JMJD7: variants seen among roughly 807,000 people sequenced by gnomAD.
JMJD7 encodes the protein bifunctional peptidase and (3S)-lysyl hydroxylase JMJD7.
JMJD7 carries 41 observed loss-of-function variants against 41.1 expected under a neutral mutation model. The observed-to-expected ratio is 1.00, with a 90% CI of 0.78 to 1.30. The LOEUF is 1.30. JMJD7 is among the 50% of genes most tolerant of loss of function. The probability of loss-of-function intolerance (pLI) is 0.00; values close to 1 mark genes in which losing one functional copy is unlikely to be tolerated. For missense variants in JMJD7, 480 were observed against 420.7 expected (o/e 1.14, Z -1.23); for synonymous variants, 202 against 177.2 (o/e 1.14, Z -1.11).
chr15:41,833,132 C>T (rs2065253337), intron 1 of JMJD7, among the ~76,000 whole-genome samples: 1 of 152,066 alleles, frequency 6.6e-6, no homozygotes, highest in African/African-American at 2.4e-5. Context: ...CAGAAGATGA[C>T]TGGGGCTATG....
intron 1 of JMJD7, among the ~76,000 whole-genome samples, chr15:41,829,911 A>T (rs1210066921): frequency 6.6e-6 from 1 of 152,216 alleles, no homozygotes; most frequent in Admixed American, 6.5e-5. Flanking sequence ...GTGTGGTGGC[A>T]TGTGCCTGTA....
At position 41,834,822 on chromosome 15, in the gene JMJD7, C is replaced by G. The variant is rs780933103; in HGVS notation, c.147C>G (p.Asn49Lys). The change falls in exon 2 of 8, where the codon AAC (asparagine) becomes AAG (lysine). Residue 49 changes from asparagine (N) to lysine (K), a missense_variant. Transcript: ENST00000397299. ...LHFYRDWVCP[N>K]RPCIIRNALQ... is the part of the protein sequence containing the mutation. ...TCTACCGGGACTGGGTCTGCCCCAA[C>G]AGGCCGTGCATTATCCGCAACGCTC... 3.7e-6 allele frequency: 6 copies of G among 1,614,230 alleles called. No homozygotes were observed. In the African/African-American group the frequency reaches 5.3e-5, roughly 14 times the overall value.
Position 41,835,621 on chromosome 15 carries a change from G to C in JMJD7, c.506G>C (p.Gly169Ala), listed in dbSNP as rs2065300334. The change falls in exon 4 of 8, where the codon GGG becomes GCG. Residue 169 changes from glycine to alanine, a missense_variant. Coordinates refer to ENST00000397299, the MANE Select transcript of JMJD7 (RefSeq NM_001114632.2). ...KMPDAVNFWL[G>A]EAAAVTSLHK... ...CCCGATGCTGTGAACTTCTGGCTGG[G>C]GGAGGCGGCTGCAGTGACTTCTTGT... 1 of 1,613,806 alleles carries C rather than the reference G, an allele frequency of 6.2e-7. No individual in the cohort carries two copies. The highest frequency in any genetic ancestry group is 8.5e-7 in the Non-Finnish European group (1 of 1,179,894).
At chr15:41,829,994 G>A (rs1266474576) in intron 1 of JMJD7, among the ~76,000 whole-genome samples, 1 of 152,222 alleles carries the variant, frequency 6.6e-6, no homozygotes, top group Non-Finnish European at 1.5e-5. Flanking sequence ...GTTGGAAGCA[G>A]ATGCTGTCAT....
At position 41,828,381 on chromosome 15, in the gene JMJD7, C is replaced by G. The variant is rs2065172819; in HGVS notation, c.64+193C>G. 1.6e-5 allele frequency: 10 copies of G among 618,076 alleles called. No homozygotes were observed. In the South Asian group the frequency reaches 3.7e-4, roughly 23 times the overall value. The allele number at this position is 618,076 out of a possible 1,614,324, so 38.3% of individuals were successfully genotyped here. ...GCGGCTTCCTGGGTGATTCTGTTCA[C>G]GTTGTTCCCAAGGCCCGGTGCCGTC... On this transcript the variant is annotated intron_variant, in intron 1 of 7. Coordinates refer to ENST00000397299, the MANE Select transcript of JMJD7 (RefSeq NM_001114632.2).
chr15:41,831,527 A>G (rs970567117), intron 1 of JMJD7, among the ~76,000 whole-genome samples: 6 of 152,204 alleles, frequency 3.9e-5, no homozygotes, highest in Non-Finnish European at 8.8e-5. Context: ...CTCGACCTAG[A>G]GCATGAATGT....
rs112826704 is a variant in JMJD7 at position 41,836,958 on chromosome 15, C to T, written c.862+18C>T. ...CATCGCAGGTGAAGAGTTGCCCAGGCCGCCTGGGGAGAGGCCCTGTCAAGG... is the reference window on the plus strand; with the variant it reads ...CATCGCAGGTGAAGAGTTGCCCAGGTCGCCTGGGGAGAGGCCCTGTCAAGG... On this transcript the variant is annotated intron_variant, in intron 7 of 7. Transcript: ENST00000397299. 1.1e-4 allele frequency: 176 copies of T among 1,611,110 alleles called. No individual in the cohort carries two copies. The African/African-American group carries it at 1.9e-3, about 18-fold the overall frequency.
intron 1 of JMJD7, among the ~76,000 whole-genome samples, chr15:41,833,632 G>A (rs1191721598): frequency 6.6e-6 from 1 of 151,324 alleles, no homozygotes; most frequent in Non-Finnish European, 1.5e-5. Flanking sequence ...CGTTGCCAAG[G>A]CTGGTCTTGA....
At chr15:41,833,854 A>G (rs1284562223) in intron 1 of JMJD7, among the ~76,000 whole-genome samples, 1 of 152,190 alleles carries the variant, frequency 6.6e-6, no homozygotes, top group East Asian at 1.9e-4. Context: ...TATCAATGTG[A>G]TATTTGAGTG....
intron 6 of JMJD7, 105 bp downstream of exon 6, chr15:41,836,656 C>T (rs2065322418): frequency 2.7e-6 from 4 of 1,469,054 alleles, no homozygotes; most frequent in South Asian, 1.4e-5. Flanking sequence ...TCTGAAAAGT[C>T]TCTAAGTCTG....
intron 1 of JMJD7, chr15:41,832,362 A>G: frequency 5.4e-6 from 1 of 184,064 alleles, no homozygotes; most frequent in South Asian, 1.1e-4. Context: ...GTAAAGCAAC[A>G]CCCCAAAGAT....
intron 1 of JMJD7, among the ~76,000 whole-genome samples, chr15:41,834,343 C>T (rs117289278): frequency 0.014 from 2,093 of 152,304 alleles, 32 homozygotes; most frequent in Non-Finnish European, 0.02. Flanking sequence ...CAGAATAGCC[C>T]GTGGCCATGG....
Position 41,836,788 on chromosome 15 carries a change from G to A in JMJD7, c.710G>A (p.Trp237Ter), listed in dbSNP as rs199865973. The change falls in exon 7 of 8, where the codon TGG becomes TAG. Residue 237 changes from tryptophan (W) to a stop codon, truncating the protein, a stop_gained. Coordinates refer to ENST00000397299, the MANE Select transcript of JMJD7 (RefSeq NM_001114632.2). LOFTEE classifies it high-confidence loss of function. ...VDEEAMEKVP[W>*]IPLDPLAPDL... ...CATCTGATGTGTTCCCAGGTGCCCTGGATCCCACTGGACCCCTTGGCGCCA... is the reference window on the plus strand; with the variant it reads ...CATCTGATGTGTTCCCAGGTGCCCTAGATCCCACTGGACCCCTTGGCGCCA... The A allele has an allele frequency of 6.2e-7, 1 of 1,608,048 alleles. No individual in the cohort carries two copies. The highest frequency in any genetic ancestry group is 8.5e-7 in the Non-Finnish European group (1 of 1,177,614).
At position 41,833,483 on chromosome 15, in the gene JMJD7, C is replaced by T. The variant is rs193224489; in HGVS notation, c.65-1257C>T. On this transcript the variant is annotated intron_variant, in intron 1 of 7. Coordinates refer to ENST00000397299, the MANE Select transcript of JMJD7 (RefSeq NM_001114632.2). The stretch of plus-strand genomic sequence containing the variant: ...TCACCCAGGCTGGAGTGCAGTGGCA[C>T]GATGATAGCTCATTGCAGCCTCTAC... 4.3e-3 allele frequency among the ~76,000 whole-genome samples: 594 copies of T among 137,408 alleles called. 3 individuals carry two copies. The highest frequency in any genetic ancestry group is 0.016 in the African/African-American group (565 of 36,346). The allele number at this position is 137,408 out of a possible 152,430, so 90.1% of individuals were successfully genotyped here. A position where few individuals can be genotyped will look rare whatever the true frequency, so the allele number is the denominator to read the frequency against.
chr15:41,835,120 T>A lies in JMJD7; in HGVS notation c.369T>A (p.Pro123=), dbSNP rs746989390. ...LDVLEGRAQH[P]GVLYVQKQCS... ...TGCTGGAGGGCCGGGCCCAGCACCC[T>A]GGAGTCCTCTATGTGCAGAAGCAGT... The change falls in exon 3 of 8, where the codon CCT becomes CCA. Residue 123 remains proline (P), a synonymous_variant. Transcript: ENST00000397299. 1 of 1,611,522 alleles carries A rather than the reference T, an allele frequency of 6.2e-7. No homozygotes were observed. The highest frequency in any genetic ancestry group is 8.5e-7 in the Non-Finnish European group (1 of 1,180,014).
Position 41,834,807 on chromosome 15 carries a change from C to G in JMJD7, c.132C>G (p.Asp44Glu), listed in dbSNP as rs1452742333. ...CAACTCCGCTCCACTTCTACCGGGACTGGGTCTGCCCCAACAGGCCGTGCA... is the reference window on the plus strand; with the variant it reads ...CAACTCCGCTCCACTTCTACCGGGAGTGGGTCTGCCCCAACAGGCCGTGCA... Reference protein sequence around the residue: ...KPPTPLHFYRDWVCPNRPCII... With the variant: ...KPPTPLHFYREWVCPNRPCII... The change falls in exon 2 of 8, where the codon GAC (aspartate) becomes GAG (glutamate). Residue 44 changes from aspartate to glutamate, a missense_variant. Coordinates refer to ENST00000397299, the MANE Select transcript of JMJD7 (RefSeq NM_001114632.2). 3 of 1,614,242 alleles carry G rather than the reference C, an allele frequency of 1.9e-6. No homozygotes were observed. The highest frequency in any genetic ancestry group is 2.5e-6 in the Non-Finnish European group (3 of 1,180,044).
At chr15:41,828,371 A>G (rs1354979873) in intron 1 of JMJD7, 183 bp downstream of exon 1, 7 of 683,096 alleles carry the variant, frequency 1.0e-5, no homozygotes, top group Non-Finnish European at 1.3e-5. Flanking sequence ...TTCCTGGGTG[A>G]TTCTGTTCAC....
chr15:41,834,394 C>G (rs144216722), intron 1 of JMJD7, among the ~76,000 whole-genome samples: 1 of 152,348 alleles, frequency 6.6e-6, no homozygotes, highest in Non-Finnish European at 1.5e-5. Flanking sequence ...AATGCCACTT[C>G]CATGGTGGCC....
At chr15:41,834,685 G>T in intron 1 of JMJD7, 55 bp from the exon 2 acceptor site, 1 of 1,591,940 alleles carries the variant, frequency 6.3e-7, no homozygotes, top group Admixed American at 1.7e-5. Flanking sequence ...CTTGGGCAGG[G>T]ACTGGGTGCT....
Sources: gnomAD v4.1 joint callset for allele counts (sites outside exome capture counted in the v4.1 genomes callset) on GRCh38, gnomAD v4.1.1 for gene constraint, MANE v1.5 for transcripts, NCBI Gene and HGNC (gene_info 2026-07-23, HGNC 2026-07-21) for gene names.